The following TSHZ2 variants were observed in gnomAD, a reference collection of about 807,000 sequenced individuals.
TSHZ2 encodes teashirt homolog 2.
TSHZ2 carries 21 observed loss-of-function variants against 74.4 expected under a neutral mutation model. The observed-to-expected ratio is 0.28, with a 90% CI of 0.20 to 0.41. The LOEUF is 0.41. Ranked by LOEUF, TSHZ2 falls within the 10% of genes least tolerant of loss-of-function variation. TSHZ2 has a pLI of 1.00. For missense variants in TSHZ2, 1,244 were observed against 1,293.5 expected (o/e 0.96, Z 0.59); for synonymous variants, 540 against 515.3 (o/e 1.05, Z -0.65).
At chr20:53,017,875 C>T (rs1205506141) in intron 1 of TSHZ2, among the ~76,000 whole-genome samples, 3 of 152,126 alleles carry the variant, frequency 2.0e-5, no homozygotes, top group Non-Finnish European at 4.4e-5. Context: ...CTCTCTTTCA[C>T]AATAGACTAT....
chr20:53,307,010 C>A, intron 2 of TSHZ2, among the ~76,000 whole-genome samples: 1 of 152,182 alleles, frequency 6.6e-6, no homozygotes, highest in Admixed American at 6.5e-5. Context: ...AGGAACCACC[C>A]CAAGTTTGTC....
chr20:53,168,215 G>A (rs1482450850), intron 1 of TSHZ2, among the ~76,000 whole-genome samples: 1 of 152,160 alleles, frequency 6.6e-6, no homozygotes, highest in Non-Finnish European at 1.5e-5. Context: ...GTTTGCTGAT[G>A]GAGGCTGTCC....
At chr20:53,464,267 T>A (rs1235439697) in intron 2 of TSHZ2, among the ~76,000 whole-genome samples, 2 of 152,144 alleles carry the variant, frequency 1.3e-5, no homozygotes, top group South Asian at 2.1e-4. Flanking sequence ...CAATATATTA[T>A]TCATGACAAG....
intron 2 of TSHZ2, among the ~76,000 whole-genome samples, chr20:53,292,183 T>C (rs917890597): frequency 6.6e-6 from 1 of 152,178 alleles, no homozygotes; most frequent in African/African-American, 2.4e-5. Context: ...GAGGAGAGCA[T>C]GATTCTGTCC....
intron 2 of TSHZ2, among the ~76,000 whole-genome samples, chr20:53,426,799 C>A (rs903791880): frequency 4.6e-5 from 7 of 152,178 alleles, no homozygotes; most frequent in Admixed American, 3.9e-4. Context: ...GCTCATACAT[C>A]CCTTTTGTCT....
intron 1 of TSHZ2, among the ~76,000 whole-genome samples, chr20:53,163,470 T>C (rs1987995876): frequency 2.0e-5 from 3 of 150,656 alleles, no homozygotes; most frequent in Admixed American, 6.6e-5. Context: ...TTTTTTATTA[T>C]ACTCTAAGTT....
chr20:53,246,894 G>A (rs1990219547), intron 1 of TSHZ2, among the ~76,000 whole-genome samples: 1 of 152,154 alleles, frequency 6.6e-6, no homozygotes, highest in Non-Finnish European at 1.5e-5. Flanking sequence ...ACCCCACCTG[G>A]TATGCAAGCG....
intron 1 of TSHZ2, among the ~76,000 whole-genome samples, chr20:52,984,820 T>C (rs1981694304): frequency 6.6e-6 from 1 of 152,046 alleles, no homozygotes; most frequent in African/African-American, 2.4e-5. Flanking sequence ...ATGACAGTGG[T>C]CCGGGGAGAG....
At chr20:53,305,609 G>T (rs1284222623) in intron 2 of TSHZ2, among the ~76,000 whole-genome samples, 2 of 152,278 alleles carry the variant, frequency 1.3e-5, no homozygotes, top group East Asian at 3.9e-4. Flanking sequence ...CTACAAGGAG[G>T]TGCTTTGATC....
chr20:53,016,590 TC>T (rs1983048546), intron 1 of TSHZ2, among the ~76,000 whole-genome samples: 1 of 152,182 alleles, frequency 6.6e-6, no homozygotes, highest in Admixed American at 6.5e-5. Flanking sequence ...AAATGGTTTT[TC>T]CTTTTTACGG....
intron 2 of TSHZ2, among the ~76,000 whole-genome samples, chr20:53,407,757 A>G (rs274858): frequency 0.89 from 135,910 of 152,210 alleles, 60,928 homozygotes; most frequent in East Asian, 1. Context: ...CAGGTTGCCC[A>G]TTTCTGCTTT....
Position 53,494,287 on chromosome 20 carries a change from CAA to C in TSHZ2, c.*7165_*7166del, listed in dbSNP as rs753807167. The C allele has an allele frequency of 1.4e-4, 19 of 131,760 alleles. No homozygotes were observed. The highest frequency in any genetic ancestry group is 1.3e-4 in the Non-Finnish European group (8 of 59,966). The allele number at this position is 131,760 out of a possible 1,614,324, so 8.2% of individuals were successfully genotyped here. On this transcript the variant is annotated 3_prime_UTR_variant, in exon 3 of 3. Transcript: ENST00000371497. ...TGGGCAACAGAGCAAGACTGTGTCT[CAA>C]AAAAAAAAAAAAGAATGGATTTTCA...
At chr20:53,260,885 T>G (rs1232405802) in intron 2 of TSHZ2, among the ~76,000 whole-genome samples, 1 of 152,196 alleles carries the variant, frequency 6.6e-6, no homozygotes, top group East Asian at 1.9e-4. Context: ...TCTAACTAAT[T>G]AATAATCCTG....
chr20:53,316,187 C>T (rs1240704329), intron 2 of TSHZ2, among the ~76,000 whole-genome samples: 3 of 152,186 alleles, frequency 2.0e-5, no homozygotes, highest in Non-Finnish European at 4.4e-5. Context: ...GATGTCAACC[C>T]TCAGTCATCC....
chr20:53,330,925 G>A (rs941140002), intron 2 of TSHZ2, among the ~76,000 whole-genome samples: 3 of 152,204 alleles, frequency 2.0e-5, no homozygotes, highest in African/African-American at 7.2e-5. Flanking sequence ...CTTTGCGTGG[G>A]ATGAAGTTCT....
chr20:53,076,144 A>T (rs1985357100), intron 1 of TSHZ2, among the ~76,000 whole-genome samples: 1 of 152,212 alleles, frequency 6.6e-6, no homozygotes, highest in Non-Finnish European at 1.5e-5. Flanking sequence ...TGAAGGATTA[A>T]TCTGGCAGTA....
chr20:53,455,938 A>ATT (rs1475148839), intron 2 of TSHZ2, among the ~76,000 whole-genome samples: 1 of 151,352 alleles, frequency 6.6e-6, no homozygotes, highest in Non-Finnish European at 1.5e-5. Context: ...TATGTGCCAC[A>ATT]TTTTCTTAAT....
intron 1 of TSHZ2, among the ~76,000 whole-genome samples, chr20:53,204,215 CTATAT>C (rs1989092531): frequency 7.7e-6 from 1 of 130,038 alleles, no homozygotes. Context: ...TGATATGATA[CTATAT>C]CATCATATGA....
intron 1 of TSHZ2, among the ~76,000 whole-genome samples, chr20:53,005,109 C>G (rs551415748): frequency 4.6e-5 from 7 of 152,004 alleles, no homozygotes; most frequent in Non-Finnish European, 1.0e-4. Flanking sequence ...GTCAGGAGTT[C>G]GAGACCAGCC....
Sources: gnomAD v4.1 joint callset for allele counts (sites outside exome capture counted in the v4.1 genomes callset) on GRCh38, gnomAD v4.1.1 for gene constraint, MANE v1.5 for transcripts, NCBI Gene and HGNC (gene_info 2026-07-23, HGNC 2026-07-21) for gene names.